The following KANK1 variants were observed in gnomAD, a reference collection of about 807,000 sequenced individuals.
The protein encoded by KANK1 is KN motif and ankyrin repeat domain-containing protein 1.
A neutral mutation model predicts 106.2 loss-of-function variants in KANK1; 109 were observed. The ratio of observed to expected loss-of-function variants is 1.03; its 90% CI spans 0.88 to 1.20. KANK1 has a LOEUF of 1.20. Among genes scored for constraint, KANK1 ranks in the 50% most tolerant of loss-of-function variants. The pLI, the probability that KANK1 is intolerant of heterozygous loss-of-function variation, is 0.00. For synonymous variants in KANK1, 873 were observed against 652.2 expected, an observed-to-expected ratio of 1.34 and a Z score of -5.16; for missense variants, 2,399 against 1,710.7, an observed-to-expected ratio of 1.40 and a Z score of -7.10.
At chr9:668,530 T>C (rs1341922824) in intron 1 of KANK1, among the ~76,000 whole-genome samples, 1 of 152,176 alleles carries the variant, frequency 6.6e-6, no homozygotes, top group Non-Finnish European at 1.5e-5. Context: ...TGTTTTCTGG[T>C]TGTTTTGTAA....
rs1320466197 is a variant in KANK1, at chr9:606,610, G to T, written c.-83-70280G>T. Among the ~76,000 whole-genome samples, 5 of 134,626 alleles carry T rather than the reference G, an allele frequency of 3.7e-5. 1 individual carries two copies. The highest frequency in any genetic ancestry group is 1.3e-4 in the African/African-American group (5 of 38,914). 88.3% of individuals were successfully genotyped at this position (134,626 alleles called of 152,430 possible). On this transcript the variant is annotated intron_variant, in intron 1 of 11. Transcript: ENST00000382297. ...AAACCTATAAAATATGTGTGTGTGT[G>T]TGTGTATATATTTATATATTTATAT...
intron 1 of KANK1, among the ~76,000 whole-genome samples, chr9:601,528 A>G (rs1472815277): frequency 6.6e-6 from 1 of 151,854 alleles, no homozygotes; most frequent in East Asian, 1.9e-4. Context: ...TTGTTTTGAA[A>G]GAAGACCACA....
intron 1 of KANK1, among the ~76,000 whole-genome samples, chr9:633,423 A>C (rs909551544): frequency 6.6e-6 from 1 of 152,074 alleles, no homozygotes; most frequent in Non-Finnish European, 1.5e-5. Flanking sequence ...GCGCCCCTGC[A>C]CTCCAGCCTG....
intron 2 of KANK1, among the ~76,000 whole-genome samples, chr9:677,828 A>T (rs1185235646): frequency 6.6e-6 from 1 of 152,212 alleles, no homozygotes; most frequent in Non-Finnish European, 1.5e-5. Flanking sequence ...GCAAGTGTAG[A>T]ATTGGAGCCA....
intron 1 of KANK1, among the ~76,000 whole-genome samples, chr9:526,532 G>A (rs897183225): frequency 1.3e-5 from 2 of 151,606 alleles, no homozygotes; most frequent in African/African-American, 4.9e-5. Context: ...GGGCAACCTA[G>A]CAAGACCCTT....
chr9:487,106 T>C (rs188635256), intron 3 of KANK1, among the ~76,000 whole-genome samples: 138 of 152,302 alleles, frequency 9.1e-4, no homozygotes, highest in African/African-American at 3.2e-3. Flanking sequence ...CCAGTGGATA[T>C]ATACAAGATG....
Position 657,955 on chromosome 9 carries a change from G to A in KANK1, c.-83-18935G>A, listed in dbSNP as rs116451367. Among the ~76,000 whole-genome samples the A allele has an allele frequency of 5.1e-3, 776 of 152,054 alleles. 5 individuals carry two copies. The highest frequency in any genetic ancestry group is 0.018 in the African/African-American group (736 of 41,456). ...TGGAATGCAGTGGCTCTTCACAGGTGCAATCATAGCTCACTACAGCCTCGA... is the reference window on the plus strand; with the variant it reads ...TGGAATGCAGTGGCTCTTCACAGGTACAATCATAGCTCACTACAGCCTCGA... On this transcript the variant is annotated intron_variant, in intron 1 of 11. Coordinates refer to ENST00000382297, the MANE Select transcript of KANK1 (RefSeq NM_015158.5).
intron 1 of KANK1, among the ~76,000 whole-genome samples, chr9:531,875 G>T (rs1284834751): frequency 1.3e-5 from 2 of 152,134 alleles, no homozygotes; most frequent in Non-Finnish European, 2.9e-5. Flanking sequence ...GTGTGGGCCA[G>T]ATTGTTGTTG....
chr9:586,095 T>C (rs1823397782), intron 1 of KANK1, among the ~76,000 whole-genome samples: 1 of 152,192 alleles, frequency 6.6e-6, no homozygotes, highest in African/African-American at 2.4e-5. Flanking sequence ...AAGATGTCAT[T>C]ATTATTTTAC....
chr9:541,057 A>T (rs576125580), intron 1 of KANK1, among the ~76,000 whole-genome samples: 1 of 152,128 alleles, frequency 6.6e-6, no homozygotes, highest in South Asian at 2.1e-4. Context: ...ATAGGAGTTG[A>T]TTGCTGTAAA....
At position 627,308 on chromosome 9, in the gene KANK1, G is replaced by C. The variant is rs142729710; in HGVS notation, c.-83-49582G>C. Among the ~76,000 whole-genome samples, 1,044 of 152,158 alleles carry C rather than the reference G, an allele frequency of 6.9e-3. 17 individuals carry two copies. Among genetic ancestry groups the C allele is most frequent in the African/African-American group, 0.023 (967 of 41,482 alleles). On this transcript the variant is annotated intron_variant, in intron 1 of 11. Transcript: ENST00000382297. ...CCACAAAGCCTGATTTGAGTACCCA[G>C]GGCTACCCAGGTTGGAAATAGAAGT... is the stretch of plus-strand genomic sequence containing the variant.
At chr9:637,229 A>C (rs1185016927) in intron 1 of KANK1, among the ~76,000 whole-genome samples, 3 of 152,136 alleles carry the variant, frequency 2.0e-5, no homozygotes, top group Non-Finnish European at 2.9e-5. Context: ...AAACACTACC[A>C]AGTAGTCTCA....
intron 1 of KANK1, among the ~76,000 whole-genome samples, chr9:602,532 A>G (rs1169096649): frequency 6.6e-6 from 1 of 151,810 alleles, no homozygotes; most frequent in Non-Finnish European, 1.5e-5. Context: ...TGCTGGGATT[A>G]TAGGTGTGAG....
intron 1 of KANK1, among the ~76,000 whole-genome samples, chr9:607,913 A>T (rs1179482890): frequency 6.6e-6 from 1 of 151,076 alleles, no homozygotes; most frequent in Non-Finnish European, 1.5e-5. Context: ...TTGTATTGTA[A>T]TGTTCATTTT....
intron 1 of KANK1, among the ~76,000 whole-genome samples, chr9:671,774 C>A (rs1027734199): frequency 7.9e-5 from 12 of 151,652 alleles, no homozygotes; most frequent in Admixed American, 2.0e-4. Context: ...ATGGTGAAAC[C>A]CCATCTCTAC....
At chr9:732,810 C>T (rs1793317745) in intron 6 of KANK1, 193 bp downstream of exon 6, 1 of 528,182 alleles carries the variant, frequency 1.9e-6, no homozygotes, top group South Asian at 3.8e-5. Flanking sequence ...GTAGAATGGC[C>T]TGGTACCTAA....
intron 1 of KANK1, among the ~76,000 whole-genome samples, chr9:668,931 C>T (rs914124518): frequency 2.0e-5 from 3 of 152,136 alleles, no homozygotes; most frequent in African/African-American, 7.2e-5. Context: ...AGAATCTATG[C>T]TGCTAATGAT....
chr9:623,250 A>C (rs1833576363), intron 1 of KANK1, among the ~76,000 whole-genome samples: 1 of 152,148 alleles, frequency 6.6e-6, no homozygotes, highest in African/African-American at 2.4e-5. Flanking sequence ...AAAGGACCTT[A>C]ATAGACACTT....
At chr9:699,904 C>T (rs187028197) in intron 2 of KANK1, among the ~76,000 whole-genome samples, 1 of 152,240 alleles carries the variant, frequency 6.6e-6, no homozygotes, top group East Asian at 1.9e-4. Context: ...ATCGCTTGAG[C>T]TGGGGAGTTC....
Sources: allele counts gnomAD v4.1 joint callset (sites outside exome capture counted in the v4.1 genomes callset), GRCh38; gene constraint gnomAD v4.1.1; transcripts MANE v1.5; gene names NCBI Gene and HGNC (gene_info 2026-07-23, HGNC 2026-07-21).